Variants in RUFY1 observed in about 807,000 individuals in gnomAD.
The protein encoded by RUFY1 is RUN and FYVE domain-containing protein 1.
In RUFY1, 54 loss-of-function variants were observed where a neutral mutation model predicts 94.6. The observed-to-expected ratio is 0.57, with a 90% CI of 0.46 to 0.72. The LOEUF is 0.72. Ranked by LOEUF, RUFY1 falls within the 30% of genes least tolerant of loss-of-function variation. The pLI is 0.00. For synonymous variants in RUFY1, 396 were observed against 347.3 expected (o/e 1.14, Z -1.56); for missense variants, 883 against 883.9 (o/e 1.00, Z 0.01).
Position 179,591,386 on chromosome 5 carries a change from A to G in RUFY1, c.1129-239A>G, listed in dbSNP as rs185148167. On this transcript the variant is annotated intron_variant, in intron 9 of 17. Transcript: ENST00000319449. ...TTTTTAGTAGAGACGGGGTTTCACC[A>G]TGTTAGCCAGGATGGTCTCGATCGC... 5.9e-3 allele frequency among the ~76,000 whole-genome samples: 888 copies of G among 149,520 alleles called. 3 individuals carry two copies. Among genetic ancestry groups the G allele is most frequent in the Admixed American group, 0.01 (151 of 14,910 alleles).
chr5:179,551,284 G>A (rs886385644), intron 1 of RUFY1, among the ~76,000 whole-genome samples: 16 of 152,360 alleles, frequency 1.1e-4, no homozygotes, highest in Middle Eastern at 3.4e-3. Flanking sequence ...GACCAGCGGC[G>A]CCTCCGCTCA....
chr5:179,585,944 A>C, intron 8 of RUFY1, 79 bp downstream of exon 8: 1 of 1,117,936 alleles, frequency 8.9e-7, no homozygotes, highest in Non-Finnish European at 1.4e-6. Context: ...GGTCTGCGAT[A>C]GCAGAGCTTC....
At chr5:179,588,858 G>A (rs550458303) in intron 8 of RUFY1, among the ~76,000 whole-genome samples, 1 of 152,016 alleles carries the variant, frequency 6.6e-6, no homozygotes, top group Non-Finnish European at 1.5e-5. Flanking sequence ...AGCCTCCTAA[G>A]TAGCTGGAAT....
chr5:179,579,656 TC>T (rs1763938808), intron 6 of RUFY1, among the ~76,000 whole-genome samples: 2 of 98,942 alleles, frequency 2.0e-5, no homozygotes, highest in African/African-American at 8.0e-5. Flanking sequence ...CTTTTCTTCT[TC>T]TTTTTTTTTT....
intron 1 of RUFY1, 32 bp from the exon 2 acceptor site, chr5:179,559,993 C>G (rs1194085770): frequency 1.9e-6 from 3 of 1,602,720 alleles, no homozygotes; most frequent in Non-Finnish European, 1.7e-6. Context: ...GCTCAGTCCA[C>G]TAACGAAGCT....
chr5:179,597,171 G>A (rs1464178701), intron 13 of RUFY1, among the ~76,000 whole-genome samples: 1 of 152,080 alleles, frequency 6.6e-6, no homozygotes. Flanking sequence ...TTGTGCCTCA[G>A]CCTCCTGAGT....
Position 179,596,693 on chromosome 5 carries a change from G to T in RUFY1, c.1631+12G>T. The T allele has an allele frequency of 6.3e-7, 1 of 1,576,392 alleles. No homozygotes were observed. The highest frequency in any genetic ancestry group is 8.6e-7 in the Non-Finnish European group (1 of 1,165,504). ...CTGCACGAGCAATGGTAGGGGCCCT[G>T]CAGGGAGCCTGGGCTGGGGTGTGGC... On this transcript the variant is annotated intron_variant, in intron 13 of 17. Transcript: ENST00000319449.
intron 8 of RUFY1, among the ~76,000 whole-genome samples, chr5:179,587,392 T>TTG (rs1764696045): frequency 6.9e-6 from 1 of 144,536 alleles, no homozygotes; most frequent in African/African-American, 2.6e-5. Context: ...CTTTTTTTTT[T>TTG]TTTTTTGAGA....
chr5:179,573,609 G>A (rs569227425), intron 5 of RUFY1, among the ~76,000 whole-genome samples: 5 of 151,206 alleles, frequency 3.3e-5, no homozygotes, highest in East Asian at 2.0e-4. Context: ...TGCAACCTCC[G>A]CCTCCTGGGT....
chr5:179,583,819 C>T (rs1157762421), intron 7 of RUFY1, among the ~76,000 whole-genome samples: 12 of 147,366 alleles, frequency 8.1e-5, no homozygotes, highest in East Asian at 2.1e-4. Flanking sequence ...GCATGATCTC[C>T]GCTCACTGCA....
intron 16 of RUFY1, 28 bp downstream of exon 16, chr5:179,605,952 T>G: frequency 6.6e-7 from 1 of 1,520,422 alleles, no homozygotes; most frequent in Non-Finnish European, 9.1e-7. Flanking sequence ...ACCACTTCTT[T>G]GCTGTCAGCT....
intron 7 of RUFY1, among the ~76,000 whole-genome samples, chr5:179,585,300 G>T (rs1554120189): frequency 1.3e-5 from 2 of 152,174 alleles, no homozygotes; most frequent in Non-Finnish European, 2.9e-5. Context: ...AATAGGCCGG[G>T]CACAGTGGTT....
chr5:179,576,292 A>G (rs1763607204), intron 5 of RUFY1, among the ~76,000 whole-genome samples: 1 of 152,160 alleles, frequency 6.6e-6, no homozygotes, highest in Non-Finnish European at 1.5e-5. Context: ...TAGATGTGTA[A>G]GGGGTCTTGG....
intron 1 of RUFY1, among the ~76,000 whole-genome samples, chr5:179,557,703 GACTGGTTGAACATAATTA>G (rs1561954274): frequency 6.6e-6 from 1 of 152,076 alleles, no homozygotes; most frequent in Non-Finnish European, 1.5e-5. Flanking sequence ...TGTGAATATT[GACTGGTTGAACATAATTA>G]CATAGATTTG....
chr5:179,592,576 G>A (rs1765208266), intron 10 of RUFY1, among the ~76,000 whole-genome samples: 1 of 152,174 alleles, frequency 6.6e-6, no homozygotes, highest in Non-Finnish European at 1.5e-5. Flanking sequence ...TACAGGGATT[G>A]CTATGAGACC....
intron 1 of RUFY1, among the ~76,000 whole-genome samples, chr5:179,559,528 C>T (rs1210874614): frequency 6.6e-6 from 1 of 152,198 alleles, no homozygotes; most frequent in South Asian, 2.1e-4. Context: ...TGCGCATCCT[C>T]CTCCGTCCGG....
In RUFY1 at chr5:179,583,320, G is replaced by A. The variant is rs190672694; in HGVS notation, c.956+2308G>A. On this transcript the variant is annotated intron_variant, in intron 7 of 17. Transcript: ENST00000319449. Reference sequence around the variant, plus strand: ...GTCTCAAAAAAAAATTTATGAAGCTGAAAGCATTTATGAGGCAATACGTTG... The same window carrying A: ...GTCTCAAAAAAAAATTTATGAAGCTAAAAGCATTTATGAGGCAATACGTTG... 9.3e-4 allele frequency among the ~76,000 whole-genome samples: 141 copies of A among 151,472 alleles called. 2 individuals carry two copies. The highest frequency in any genetic ancestry group is 3.4e-3 in the African/African-American group (140 of 41,330).
intron 6 of RUFY1, among the ~76,000 whole-genome samples, chr5:179,580,636 A>T (rs1764085099): frequency 6.6e-6 from 1 of 150,986 alleles, no homozygotes; most frequent in Non-Finnish European, 1.5e-5. Flanking sequence ...CCTTTCCTTC[A>T]GTAGTATAAG....
In RUFY1 at chr5:179,569,572, T is replaced by A. The variant is rs896706700; in HGVS notation, c.828+147T>A. The A allele has an allele frequency of 5.0e-6, 4 of 798,718 alleles. No individual in the cohort carries two copies. In the African/African-American group the frequency reaches 6.9e-5, roughly 14 times the overall value. The allele number at this position is 798,718 out of a possible 1,614,324, so 49.5% of individuals were successfully genotyped here. A position where few individuals can be genotyped will look rare whatever the true frequency, so the allele number is the denominator to read the frequency against. Reference sequence around the variant, plus strand: ...CCCAGGGATGCAGCTGGGGAAGGTCTCGGAAGGGTGAAGAAGTTGCATAGC... The same window carrying A: ...CCCAGGGATGCAGCTGGGGAAGGTCACGGAAGGGTGAAGAAGTTGCATAGC... On this transcript the variant is annotated intron_variant, in intron 5 of 17. Transcript: ENST00000319449.
Sources: gnomAD v4.1 joint callset for allele counts (sites outside exome capture counted in the v4.1 genomes callset) on GRCh38, gnomAD v4.1.1 for gene constraint, MANE v1.5 for transcripts, NCBI Gene and HGNC (gene_info 2026-07-23, HGNC 2026-07-21) for gene names.